The following C10orf67 variants were observed in gnomAD, a reference collection of about 807,000 sequenced individuals.
The protein encoded by C10orf67 is uncharacterized protein C10orf67, mitochondrial.
C10orf67 carries 60 observed loss-of-function variants against 35.6 expected under a neutral mutation model. The observed-to-expected ratio is 1.68, with a 90% CI of 1.37 to 2.09. The LOEUF is 2.09. C10orf67 is among the 30% of genes most tolerant of loss of function. The pLI is 0.00. For synonymous variants in C10orf67, 167 were observed against 115.8 expected, an observed-to-expected ratio of 1.44 and a Z score of -2.84; for missense variants, 474 against 330.2, an observed-to-expected ratio of 1.44 and a Z score of -3.38.
intron 9 of C10orf67, 113 bp downstream of exon 9, chr10:23,267,082 G>A (rs2132198878): frequency 3.3e-6 from 2 of 599,514 alleles, no homozygotes; most frequent in East Asian, 5.6e-5. Flanking sequence ...TTCAAACTCA[G>A]GTTGGAAAGT....
intron 10 of C10orf67, among the ~76,000 whole-genome samples, chr10:23,256,233 C>T (rs1226729285): frequency 6.6e-6 from 1 of 152,132 alleles, no homozygotes; most frequent in African/African-American, 2.4e-5. Context: ...AACTCCTGGG[C>T]TCAAGCAATC....
chr10:23,283,839 A>C (rs1324751346), intron 7 of C10orf67, among the ~76,000 whole-genome samples: 3 of 151,700 alleles, frequency 2.0e-5, no homozygotes, highest in Admixed American at 1.3e-4. Flanking sequence ...CCGCACACCA[A>C]ACTCTGCTTC....
intron 15 of C10orf67, among the ~76,000 whole-genome samples, chr10:23,207,223 A>G (rs1298678227): frequency 6.6e-6 from 1 of 151,728 alleles, no homozygotes; most frequent in Non-Finnish European, 1.5e-5. Context: ...GGACTATCAC[A>G]TGAAAAATCC....
chr10:23,295,279 C>T (rs1052639904), intron 5 of C10orf67, among the ~76,000 whole-genome samples: 6 of 152,210 alleles, frequency 3.9e-5, no homozygotes, highest in African/African-American at 1.4e-4. Flanking sequence ...GTGGCTCCCA[C>T]CTGCTCTCCT....
intron 13 of C10orf67, among the ~76,000 whole-genome samples, chr10:23,237,261 A>G (rs1450147790): frequency 6.6e-6 from 1 of 152,166 alleles, no homozygotes; most frequent in Non-Finnish European, 1.5e-5. Context: ...TATATGTACC[A>G]CATTTTCTTT....
In C10orf67 at chr10:23,310,738, T is replaced by C. The variant is rs374276124; in HGVS notation, c.547-7279A>G. Among the ~76,000 whole-genome samples the C allele has an allele frequency of 2.0e-4, 30 of 152,320 alleles. No homozygotes were observed. In the South Asian group the frequency reaches 4.8e-3, roughly 24 times the overall value. ...TCAAGCTCTCCAAGAGGTCTAAAACTCCACTCTTGCTTGGCTCAAAGGAGA... is the reference window on the plus strand; with the variant it reads ...TCAAGCTCTCCAAGAGGTCTAAAACCCCACTCTTGCTTGGCTCAAAGGAGA... On this transcript the variant is annotated intron_variant, in intron 4 of 15. Transcript: ENST00000636213.
At chr10:23,292,308 C>A (rs1383213848) in intron 5 of C10orf67, among the ~76,000 whole-genome samples, 2 of 150,496 alleles carry the variant, frequency 1.3e-5, no homozygotes, top group Non-Finnish European at 3.0e-5. Flanking sequence ...GAAGCTGGTG[C>A]AGAACTTTAT....
At chr10:23,334,693 G>A (rs1845607100) in intron 1 of C10orf67, among the ~76,000 whole-genome samples, 1 of 152,230 alleles carries the variant, frequency 6.6e-6, no homozygotes, top group South Asian at 2.1e-4. Flanking sequence ...GTAGAACCCA[G>A]GTCTGAAGAG....
intron 4 of C10orf67, among the ~76,000 whole-genome samples, chr10:23,310,784 C>A (rs1373801282): frequency 6.6e-6 from 1 of 152,212 alleles, no homozygotes; most frequent in Non-Finnish European, 1.5e-5. Flanking sequence ...TTCTCTCTCC[C>A]ATTTACAGGT....
intron 2 of C10orf67, among the ~76,000 whole-genome samples, chr10:23,323,952 T>TATATATATATACACAC (rs1564513730): frequency 9.3e-5 from 6 of 64,684 alleles, no homozygotes; most frequent in Admixed American, 1.8e-4. Context: ...TATATATATA[T>TATATATATATACACAC]ACACACACAC....
At chr10:23,276,708 CACA>C (rs944139079) in intron 8 of C10orf67, among the ~76,000 whole-genome samples, 2 of 152,100 alleles carry the variant, frequency 1.3e-5, no homozygotes, top group African/African-American at 4.8e-5. Context: ...AATACAACAG[CACA>C]ACACTAGATA....
chr10:23,239,855 A>T, intron 12 of C10orf67, 39 bp from the exon 13 acceptor site: 1 of 592,692 alleles, frequency 1.7e-6, no homozygotes, highest in Non-Finnish European at 3.3e-6. Context: ...AATGTATGTA[A>T]ATCATAGCAT....
intron 13 of C10orf67, among the ~76,000 whole-genome samples, chr10:23,237,721 GA>G (rs564735458): frequency 3.2e-3 from 485 of 152,258 alleles, no homozygotes; most frequent in Middle Eastern, 6.8e-3. Flanking sequence ...ATAAATTTAA[GA>G]ACAGGCAAAA....
chr10:23,290,419 A>C (rs1402838002), intron 6 of C10orf67, among the ~76,000 whole-genome samples: 1 of 152,230 alleles, frequency 6.6e-6, no homozygotes, highest in Non-Finnish European at 1.5e-5. Flanking sequence ...ATTTTGCTAT[A>C]ATTCATTGTA....
chr10:23,248,663 T>C (rs1410645792), intron 12 of C10orf67, among the ~76,000 whole-genome samples: 2 of 152,200 alleles, frequency 1.3e-5, no homozygotes, highest in Admixed American at 6.5e-5. Flanking sequence ...ACTACACAAT[T>C]AATCTCCATA....
chr10:23,271,624 A>G (rs1411664098), intron 8 of C10orf67, among the ~76,000 whole-genome samples: 2 of 152,208 alleles, frequency 1.3e-5, no homozygotes, highest in African/African-American at 4.8e-5. Context: ...GCTAGTGAGT[A>G]TATAGCAATA....
chr10:23,258,994 G>T (rs947532810), intron 10 of C10orf67, among the ~76,000 whole-genome samples: 2 of 152,162 alleles, frequency 1.3e-5, no homozygotes, highest in African/African-American at 4.8e-5. Context: ...AAATATCTAA[G>T]TATCTTATCT....
rs142599781 is a variant in C10orf67, at chr10:23,217,336, C to A, written c.1570+6262G>T. 2.9e-4 allele frequency among the ~76,000 whole-genome samples: 44 copies of A among 152,176 alleles called. 1 individual carries two copies. The East Asian group carries it at 6.8e-3, about 23-fold the overall frequency. On this transcript the variant is annotated intron_variant, in intron 15 of 15. Transcript: ENST00000636213. The stretch of plus-strand genomic sequence containing the variant: ...AGCTGAAAGGAATATTAATATGGTA[C>A]CTTTCATATACAAGGATGTCATGTC...
intron 15 of C10orf67, among the ~76,000 whole-genome samples, chr10:23,218,215 C>A (rs11013328): frequency 0.033 from 5,042 of 152,194 alleles, 245 homozygotes; most frequent in African/African-American, 0.11. Context: ...TCATGGCACA[C>A]TGCAGCCTCC....
Sources: allele counts gnomAD v4.1 joint callset (sites outside exome capture counted in the v4.1 genomes callset), GRCh38; gene constraint gnomAD v4.1.1; transcripts MANE v1.5; gene names NCBI Gene and HGNC (gene_info 2026-07-23, HGNC 2026-07-21).